The following SORCS3 variants were observed in gnomAD, a reference collection of about 807,000 sequenced individuals.
SORCS3 encodes the protein sortilin related VPS10 domain containing receptor 3.
Under a neutral mutation model 146.3 loss-of-function variants are expected in SORCS3, and 57 were observed. The ratio of observed to expected loss-of-function variants is 0.39; its 90% CI spans 0.31 to 0.49. SORCS3 has a LOEUF of 0.49. Among genes scored for constraint, SORCS3 ranks in the 20% least tolerant of loss-of-function variants. SORCS3 has a pLI of 0.92. For missense variants in SORCS3, 1,341 were observed against 1,575.5 expected, an observed-to-expected ratio of 0.85 and a Z score of 2.52; for synonymous variants, 653 against 618.5, an observed-to-expected ratio of 1.06 and a Z score of -0.83.
intron 2 of SORCS3, among the ~76,000 whole-genome samples, chr10:104,869,062 A>G (rs1276765946): frequency 6.6e-6 from 1 of 152,166 alleles, no homozygotes; most frequent in Non-Finnish European, 1.5e-5. Flanking sequence ...CTCATTCTCT[A>G]GTACCACTGC....
intron 14 of SORCS3, among the ~76,000 whole-genome samples, chr10:105,186,386 A>G (rs2056476699): frequency 6.6e-6 from 1 of 152,214 alleles, no homozygotes; most frequent in African/African-American, 2.4e-5. Flanking sequence ...GGTGATGCTC[A>G]GCAAATATAT....
At chr10:105,195,518 T>C (rs1489811158) in intron 14 of SORCS3, among the ~76,000 whole-genome samples, 3 of 152,212 alleles carry the variant, frequency 2.0e-5, no homozygotes, top group Non-Finnish European at 4.4e-5. Context: ...ATATTTGAAT[T>C]TGAATTAGTT....
At chr10:105,211,994 G>A (rs775661082) in intron 17 of SORCS3, among the ~76,000 whole-genome samples, 1 of 152,112 alleles carries the variant, frequency 6.6e-6, no homozygotes, top group Non-Finnish European at 1.5e-5. Context: ...ATGTGATGTC[G>A]ATATTGCTGG....
chr10:105,145,938 G>A (rs1283403650), intron 8 of SORCS3, among the ~76,000 whole-genome samples: 31 of 152,084 alleles, frequency 2.0e-4, no homozygotes, highest in Admixed American at 2.0e-3. Context: ...GGAGCTCTCT[G>A]TGGTGCTGAC....
At chr10:105,214,981 G>A (rs1462947239) in intron 18 of SORCS3, among the ~76,000 whole-genome samples, 2 of 152,154 alleles carry the variant, frequency 1.3e-5, no homozygotes, top group African/African-American at 4.8e-5. Context: ...TTGCTTTTAG[G>A]AGCCTCTTTT....
At chr10:105,142,771 G>A (rs1381599344) in intron 8 of SORCS3, among the ~76,000 whole-genome samples, 1 of 152,032 alleles carries the variant, frequency 6.6e-6, no homozygotes, top group East Asian at 1.9e-4. Context: ...TGCAGGTATT[G>A]CAAGTCGTTT....
chr10:104,885,972 A>T (rs1252913285), intron 2 of SORCS3, among the ~76,000 whole-genome samples: 1 of 152,134 alleles, frequency 6.6e-6, no homozygotes, highest in East Asian at 1.9e-4. Context: ...AACACTAGAG[A>T]TGGAAAATAC....
intron 1 of SORCS3, among the ~76,000 whole-genome samples, chr10:104,814,477 C>T (rs1330343976): frequency 6.6e-6 from 1 of 152,144 alleles, no homozygotes; most frequent in Non-Finnish European, 1.5e-5. Flanking sequence ...TGTCCCCTTT[C>T]CCTGGAATTT....
chr10:104,677,481 G>A (rs2015924080), intron 1 of SORCS3, among the ~76,000 whole-genome samples: 1 of 152,226 alleles, frequency 6.6e-6, no homozygotes, highest in Non-Finnish European at 1.5e-5. Flanking sequence ...TATTCGGGAT[G>A]TTCCTCTAAC....
At chr10:104,978,517 C>A (rs990968629) in intron 4 of SORCS3, among the ~76,000 whole-genome samples, 1 of 152,160 alleles carries the variant, frequency 6.6e-6, no homozygotes, top group Non-Finnish European at 1.5e-5. Context: ...TTCCAGTATT[C>A]CCTATCTCTA....
chr10:104,719,191 C>T (rs552329183), intron 1 of SORCS3, among the ~76,000 whole-genome samples: 16 of 152,284 alleles, frequency 1.1e-4, no homozygotes, highest in African/African-American at 3.9e-4. Flanking sequence ...TCCGTAATTA[C>T]ATGTAGCTAA....
At chr10:105,228,370 C>CTT (rs1564789876) in intron 20 of SORCS3, among the ~76,000 whole-genome samples, 4 of 150,268 alleles carry the variant, frequency 2.7e-5, no homozygotes, top group Non-Finnish European at 5.9e-5. Flanking sequence ...CTTTCTTTCT[C>CTT]TCTTTTCTTT....
At chr10:105,205,324 C>A (rs1213888514) in intron 16 of SORCS3, among the ~76,000 whole-genome samples, 3 of 152,184 alleles carry the variant, frequency 2.0e-5, no homozygotes, top group Admixed American at 6.5e-5. Flanking sequence ...TCTAGATTCT[C>A]AGAACATTTA....
chr10:104,940,230 ATATATATATTTTTTT>A (rs1480895940), intron 3 of SORCS3, among the ~76,000 whole-genome samples: 1,531 of 23,890 alleles, frequency 0.064, 44 homozygotes, highest in Non-Finnish European at 0.086. Context: ...ATATATATAT[ATATATATATTTTTTT>A]TTTTTTTTTT....
At chr10:104,803,690 A>G (rs2017649995) in intron 1 of SORCS3, among the ~76,000 whole-genome samples, 1 of 152,112 alleles carries the variant, frequency 6.6e-6, no homozygotes, top group South Asian at 2.1e-4. Context: ...TTTATAGGGA[A>G]TGCGTTTAAT....
At chr10:105,140,607 T>C (rs1003034012) in intron 8 of SORCS3, among the ~76,000 whole-genome samples, 4 of 152,102 alleles carry the variant, frequency 2.6e-5, no homozygotes, top group African/African-American at 9.7e-5. Context: ...TTTAAGTTGA[T>C]ACAAGAAAAA....
intron 1 of SORCS3, among the ~76,000 whole-genome samples, chr10:104,702,595 GT>G (rs2016292955): frequency 6.6e-6 from 1 of 152,174 alleles, no homozygotes; most frequent in South Asian, 2.1e-4. Context: ...GCAGGATACA[GT>G]TTTTAAGTGA....
chr10:105,191,648 T>C (rs886494488), intron 14 of SORCS3, among the ~76,000 whole-genome samples: 2 of 152,178 alleles, frequency 1.3e-5, no homozygotes, highest in Non-Finnish European at 2.9e-5. Context: ...CAGTTTTCCA[T>C]GGGTGAGAGT....
chr10:105,081,534 G>A (rs1357829293), intron 5 of SORCS3, among the ~76,000 whole-genome samples: 1 of 152,208 alleles, frequency 6.6e-6, no homozygotes, highest in Non-Finnish European at 1.5e-5. Flanking sequence ...TGGGTGAGCG[G>A]TTATGGTTCC....
Sources: gnomAD v4.1 joint callset for allele counts (sites outside exome capture counted in the v4.1 genomes callset) on GRCh38, gnomAD v4.1.1 for gene constraint, MANE v1.5 for transcripts, NCBI Gene and HGNC (gene_info 2026-07-23, HGNC 2026-07-21) for gene names.